The following GALNT8 variants were observed in gnomAD, a reference collection of about 807,000 sequenced individuals.
GALNT8 encodes probable polypeptide N-acetylgalactosaminyltransferase 8.
Under a neutral mutation model 62.7 loss-of-function variants are expected in GALNT8, and 66 were observed. The ratio of observed to expected loss-of-function variants is 1.05; its 90% CI spans 0.86 to 1.29. GALNT8 has a LOEUF of 1.29. GALNT8 is among the 50% of genes most tolerant of loss of function. GALNT8 has a pLI of 0.00. For missense variants in GALNT8, 771 were observed against 791.8 expected (o/e 0.97, Z 0.32); for synonymous variants, 288 against 294.3 (o/e 0.98, Z 0.22).
At chr12:4,747,851 T>A (rs779960151) in intron 6 of GALNT8, among the ~76,000 whole-genome samples, 44 of 152,082 alleles carry the variant, frequency 2.9e-4, no homozygotes, top group Non-Finnish European at 5.0e-4. Context: ...TGGACGAGGG[T>A]TCCCTTTTCT....
chr12:4,720,813 C>G lies in GALNT8; in HGVS notation c.136C>G (p.Pro46Ala). The G allele has an allele frequency of 6.2e-7, 1 of 1,612,066 alleles. No individual in the cohort carries two copies. The highest frequency in any genetic ancestry group is 8.5e-7 in the Non-Finnish European group (1 of 1,178,120). Residue 46 changes from proline (P) to alanine (A), a missense_variant, in exon 1 of 11, where the codon CCT (proline) becomes GCT (alanine). Physicochemically the swap from Pro to Ala is conservative, Grantham distance 27 (BLOSUM62 -1). Coordinates refer to ENST00000252318, the MANE Select transcript of GALNT8 (RefSeq NM_017417.2). ...TACGGGTGGTCTCCACAGGGAGCTT[C>G]CTTTACATCTGAATAAACGCTACGG... Reference protein sequence around the residue: ...LFTGGLHRELPLHLNKRYGAV... With the variant: ...LFTGGLHRELALHLNKRYGAV...
intron 6 of GALNT8, among the ~76,000 whole-genome samples, chr12:4,751,295 C>G (rs866236859): frequency 1.3e-5 from 2 of 152,018 alleles, no homozygotes; most frequent in African/African-American, 4.8e-5. Context: ...TTAGTTATTT[C>G]CTACTACAAT....
At chr12:4,743,252 G>A (rs547523675) in intron 3 of GALNT8, among the ~76,000 whole-genome samples, 11 of 152,288 alleles carry the variant, frequency 7.2e-5, no homozygotes, top group East Asian at 3.9e-4. Flanking sequence ...GTTCAGTGGC[G>A]CCTCCTGTGG....
intron 6 of GALNT8, 76 bp downstream of exon 6, chr12:4,746,334 C>T: frequency 1.2e-6 from 1 of 854,114 alleles, no homozygotes; most frequent in Admixed American, 1.8e-5. Flanking sequence ...CCCCTGGAAT[C>T]CTAGAACAAG....
chr12:4,758,368 G>C (rs1278555362), intron 6 of GALNT8, among the ~76,000 whole-genome samples: 2 of 152,076 alleles, frequency 1.3e-5, no homozygotes, highest in Non-Finnish European at 2.9e-5. Flanking sequence ...GAAGGGAGAT[G>C]ATGGGTAGGA....
intron 6 of GALNT8, among the ~76,000 whole-genome samples, chr12:4,752,935 C>G (rs113744307): frequency 0.019 from 2,861 of 152,196 alleles, 94 homozygotes; most frequent in African/African-American, 0.066. Flanking sequence ...AGGATATTTT[C>G]ACTGTATATG....
chr12:4,728,213 TA>T (rs1334071159), intron 2 of GALNT8, among the ~76,000 whole-genome samples: 14 of 56,844 alleles, frequency 2.5e-4, no homozygotes, highest in East Asian at 1.6e-3. Flanking sequence ...AAAATTGGCT[TA>T]TTTTTTTTTT....
At chr12:4,771,447 G>A (rs904561725) in intron 10 of GALNT8, among the ~76,000 whole-genome samples, 1 of 152,172 alleles carries the variant, frequency 6.6e-6, no homozygotes, top group Non-Finnish European at 1.5e-5. Context: ...GGCTGTTAGA[G>A]GCAGTTTGTG....
chr12:4,758,443 A>G (rs1946354745), intron 6 of GALNT8, among the ~76,000 whole-genome samples: 1 of 152,172 alleles, frequency 6.6e-6, no homozygotes, highest in Non-Finnish European at 1.5e-5. Flanking sequence ...CTGAACATGT[A>G]ACTTCCTGGG....
Position 4,761,134 on chromosome 12 carries a change from AC to A in GALNT8, c.1352del (p.Pro451LeufsTer7), listed in dbSNP as rs770537818. On this transcript the variant is annotated frameshift_variant, in exon 7 of 11. Coordinates refer to ENST00000252318, the MANE Select transcript of GALNT8 (RefSeq NM_017417.2). LOFTEE classifies it high-confidence loss of function. Reference sequence around the variant, plus strand: ...ACATGGTCTACTTGGCCTGGAACATACCTCTCCAGGTGAGTCATGGAATTGA... The same window carrying A: ...ACATGGTCTACTTGGCCTGGAACATACTCTCCAGGTGAGTCATGGAATTGA... ...KHMVYLAWNI[P>X]LQNSGIDFGD... 8 of 1,613,308 alleles carry A rather than the reference AC, an allele frequency of 5.0e-6. No homozygotes were observed. The highest frequency in any genetic ancestry group is 3.3e-5 in the Admixed American group (2 of 59,976).
At chr12:4,734,194 G>A (rs570809273) in intron 2 of GALNT8, among the ~76,000 whole-genome samples, 4 of 152,168 alleles carry the variant, frequency 2.6e-5, no homozygotes, top group East Asian at 3.9e-4. Flanking sequence ...CACCCTCACC[G>A]TCTTATAAAT....
chr12:4,764,530 ATTTT>A lies in GALNT8; in HGVS notation c.1593+511_1593+514del, dbSNP rs58809573. ...ACCATGTGGAAGGTGCAGTCAGGGG[ATTTT>A]TTTTTTTTTTTTTTTTTTTTTTTTT... On this transcript the variant is annotated intron_variant, in intron 9 of 10. Coordinates refer to ENST00000252318, the MANE Select transcript of GALNT8 (RefSeq NM_017417.2). Among the ~76,000 whole-genome samples, 119 of 102,192 alleles carry A rather than the reference ATTTT, an allele frequency of 1.2e-3. 1 individual carries two copies. Among genetic ancestry groups the A allele is most frequent in the African/African-American group, 4.3e-3 (108 of 25,038 alleles). 67.0% of individuals were successfully genotyped at this position (102,192 alleles called of 152,430 possible). A position where few individuals can be genotyped will look rare whatever the true frequency, so the allele number is the denominator to read the frequency against.
rs202164316 is a variant in GALNT8, at chr12:4,772,610, G to A, written c.*13G>A. 9.4e-6 allele frequency: 15 copies of A among 1,598,142 alleles called. No individual in the cohort carries two copies. Among genetic ancestry groups the A allele is most frequent in the African/African-American group, 1.3e-5 (1 of 74,778 alleles). On this transcript the variant is annotated 3_prime_UTR_variant, in exon 11 of 11. Transcript: ENST00000252318. ...CAACAGCCAGTGATCCTCAGATGGT[G>A]CTGGATCTGGGTCATCAATTCTTGC...
At chr12:4,722,771 A>G (rs774667079) in intron 1 of GALNT8, among the ~76,000 whole-genome samples, 51 of 152,100 alleles carry the variant, frequency 3.4e-4, no homozygotes, top group Non-Finnish European at 6.2e-4. Flanking sequence ...TAAAATGAGA[A>G]CTGAGCATTG....
In GALNT8 at chr12:4,726,403, A is replaced by T. The variant is rs528263864; in HGVS notation, c.212-129A>T. 66 of 663,538 alleles carry T rather than the reference A, an allele frequency of 9.9e-5. No individual in the cohort carries two copies. In the South Asian group the frequency reaches 1.3e-3, roughly 13 times the overall value. The allele number at this position is 663,538 out of a possible 1,614,324, so 41.1% of individuals were successfully genotyped here. A position where few individuals can be genotyped will look rare whatever the true frequency, so the allele number is the denominator to read the frequency against. On this transcript the variant is annotated intron_variant, in intron 1 of 10. Transcript: ENST00000252318. The surrounding 1 kb of genome is among the most constrained non-coding windows in gnomAD (Gnocchi z 4.1). Reference sequence around the variant, plus strand: ...TCCCTGACATACTACATCCTCTGTGACAAGAGCTTATAAGTTTTAAGATGT... The same window carrying T: ...TCCCTGACATACTACATCCTCTGTGTCAAGAGCTTATAAGTTTTAAGATGT...
At chr12:4,743,034 A>G (rs1946279071) in intron 3 of GALNT8, among the ~76,000 whole-genome samples, 1 of 152,218 alleles carries the variant, frequency 6.6e-6, no homozygotes, top group Admixed American at 6.5e-5. Flanking sequence ...GTTTTTCTAA[A>G]AAAGAGACAG....
chr12:4,757,572 A>AG (rs1346406748), intron 6 of GALNT8, among the ~76,000 whole-genome samples: 1 of 152,190 alleles, frequency 6.6e-6, no homozygotes, highest in Non-Finnish European at 1.5e-5. Flanking sequence ...GGAAGATAAA[A>AG]GGGGGAAAGA....
intron 6 of GALNT8, among the ~76,000 whole-genome samples, chr12:4,747,266 A>G (rs1017184358): frequency 5.9e-5 from 9 of 152,210 alleles, no homozygotes; most frequent in Non-Finnish European, 8.8e-5. Flanking sequence ...TTAAATTATT[A>G]TTAACTATAG....
intron 6 of GALNT8, among the ~76,000 whole-genome samples, chr12:4,758,203 T>G (rs992765815): frequency 1.3e-5 from 2 of 152,188 alleles, no homozygotes; most frequent in Non-Finnish European, 2.9e-5. Flanking sequence ...ACTATTTGCC[T>G]TTTAAAACAT....
Sources: allele counts gnomAD v4.1 joint callset (sites outside exome capture counted in the v4.1 genomes callset), GRCh38; gene constraint gnomAD v4.1.1; non-coding constraint Gnocchi (gnomAD v3.1); transcripts MANE v1.5; gene names NCBI Gene and HGNC (gene_info 2026-07-23, HGNC 2026-07-21).